The following SLC9A9 variants were observed in gnomAD, a reference collection of about 807,000 sequenced individuals.
SLC9A9 encodes sodium/hydrogen exchanger 9.
A neutral mutation model predicts 77.8 loss-of-function variants in SLC9A9; 62 were observed. The ratio of observed to expected loss-of-function variants is 0.80; its 90% CI spans 0.65 to 0.98. SLC9A9 has a LOEUF of 0.98. SLC9A9 is among the 50% of genes least tolerant of loss of function. The probability of loss-of-function intolerance (pLI) is 0.00; values close to 1 mark genes in which losing one functional copy is unlikely to be tolerated. For missense variants in SLC9A9, 775 were observed against 774.9 expected (o/e 1.00, Z 0.00); for synonymous variants, 320 against 283.5 (o/e 1.13, Z -1.29).
At chr3:143,767,818 C>T (rs986025195) in intron 4 of SLC9A9, among the ~76,000 whole-genome samples, 3 of 152,080 alleles carry the variant, frequency 2.0e-5, no homozygotes, top group Non-Finnish European at 4.4e-5. Flanking sequence ...GCCCTTTTTC[C>T]ATCTTATAAC....
chr3:143,363,577 A>T lies in SLC9A9; in HGVS notation c.1525-14T>A. On this transcript the variant is annotated splice_polypyrimidine_tract_variant and intron_variant, in intron 13 of 15. Coordinates refer to ENST00000316549, the MANE Select transcript of SLC9A9 (RefSeq NM_173653.4). ...GTTATTTGCTTCCTGGGGAGAAACA[A>T]TAGAAAAAGGCATTGGGTAAATAGT... is the stretch of plus-strand genomic sequence containing the variant. The T allele has an allele frequency of 6.2e-7, 1 of 1,609,864 alleles. No individual in the cohort carries two copies. The highest frequency in any genetic ancestry group is 8.5e-7 in the Non-Finnish European group (1 of 1,176,674).
intron 14 of SLC9A9, among the ~76,000 whole-genome samples, chr3:143,360,787 G>A (rs962897318): frequency 6.6e-6 from 1 of 152,202 alleles, no homozygotes; most frequent in African/African-American, 2.4e-5. Context: ...TATAAATTCA[G>A]TGATGTGATT....
intron 6 of SLC9A9, among the ~76,000 whole-genome samples, chr3:143,620,322 T>C (rs1377540316): frequency 6.6e-6 from 1 of 152,172 alleles, no homozygotes; most frequent in Non-Finnish European, 1.5e-5. Flanking sequence ...AAGTATAGCA[T>C]AGTTGTTGGG....
intron 11 of SLC9A9, among the ~76,000 whole-genome samples, chr3:143,486,475 TA>T (rs542478726): frequency 2.0e-5 from 3 of 152,206 alleles, no homozygotes; most frequent in Non-Finnish European, 1.5e-5. Flanking sequence ...ATGAATACAT[TA>T]AAAAAATTAT....
At chr3:143,800,463 G>A (rs547263294) in intron 2 of SLC9A9, among the ~76,000 whole-genome samples, 1 of 152,118 alleles carries the variant, frequency 6.6e-6, no homozygotes, top group Non-Finnish European at 1.5e-5. Flanking sequence ...TATCCACCCC[G>A]TGGTGCCAAA....
intron 4 of SLC9A9, among the ~76,000 whole-genome samples, chr3:143,732,294 TC>T (rs1934825438): frequency 6.6e-6 from 1 of 152,212 alleles, no homozygotes; most frequent in Admixed American, 6.5e-5. Context: ...TAGTTTAGAT[TC>T]CCAAGTCCTA....
chr3:143,816,249 G>C lies in SLC9A9; in HGVS notation c.378+15770C>G, dbSNP rs1360737600. Among the ~76,000 whole-genome samples the C allele has an allele frequency of 3.3e-5, 5 of 152,202 alleles. No homozygotes were observed. The South Asian group carries it at 1.0e-3, about 32-fold the overall frequency. ...GACAGGGTCTTGCTTTGTTGCCCAG[G>C]CTGGAGTACAGTGGTGTGGTCATAG... On this transcript the variant is annotated intron_variant, in intron 2 of 15. Coordinates refer to ENST00000316549, the MANE Select transcript of SLC9A9 (RefSeq NM_173653.4).
chr3:143,666,488 A>T (rs568451983), intron 5 of SLC9A9, among the ~76,000 whole-genome samples: 1 of 152,246 alleles, frequency 6.6e-6, no homozygotes, highest in Non-Finnish European at 1.5e-5. Flanking sequence ...TGGCAAAGGC[A>T]ATCAGACAGG....
At chr3:143,408,204 G>T (rs895885546) in intron 12 of SLC9A9, among the ~76,000 whole-genome samples, 4 of 152,178 alleles carry the variant, frequency 2.6e-5, no homozygotes, top group Non-Finnish European at 5.9e-5. Context: ...TTAGAATCTG[G>T]CTGGGGGATG....
chr3:143,530,063 T>C (rs2036477651), intron 9 of SLC9A9, among the ~76,000 whole-genome samples: 1 of 152,218 alleles, frequency 6.6e-6, no homozygotes, highest in South Asian at 2.1e-4. Context: ...TTGAAGCTAT[T>C]GACGTTGTAG....
rs1289580974 is a variant in SLC9A9 at position 143,747,350 on chromosome 3, G to A, written c.533+47651C>T. 2.0e-5 allele frequency among the ~76,000 whole-genome samples: 3 copies of A among 149,726 alleles called. No individual in the cohort carries two copies. In the South Asian group the frequency reaches 6.3e-4, roughly 32 times the overall value. On this transcript the variant is annotated intron_variant, in intron 4 of 15. Transcript: ENST00000316549. ...TACTGGAAGGTGGGGGTTGCAGTGA[G>A]CTGAGGTTGCACCTCTGCCCCCCAG...
chr3:143,774,703 T>C (rs1349835827), intron 4 of SLC9A9, among the ~76,000 whole-genome samples: 3 of 87,108 alleles, frequency 3.4e-5, no homozygotes, highest in Admixed American at 1.2e-4. Flanking sequence ...AGTTGAACTA[T>C]ACATTGTAAT....
chr3:143,508,501 C>T (rs898984406), intron 9 of SLC9A9, among the ~76,000 whole-genome samples: 5 of 152,192 alleles, frequency 3.3e-5, no homozygotes, highest in African/African-American at 1.2e-4. Flanking sequence ...AGTTTCATAA[C>T]CAGCTTGAAG....
Position 143,269,012 on chromosome 3 carries a change from A to G in SLC9A9, c.1605-32T>C, listed in dbSNP as rs778600406. On this transcript the variant is annotated intron_variant, in intron 14 of 15. Coordinates refer to ENST00000316549, the MANE Select transcript of SLC9A9 (RefSeq NM_173653.4). ...GGCCTGTTAAGGAATACTTGTCAACAGGGAGTTAGGATTTAGGAATCTTAC... is the reference window on the plus strand; with the variant it reads ...GGCCTGTTAAGGAATACTTGTCAACGGGGAGTTAGGATTTAGGAATCTTAC... The G allele has an allele frequency of 1.5e-5, 23 of 1,492,852 alleles. No homozygotes were observed. In the East Asian group the frequency reaches 3.9e-4, roughly 25 times the overall value. The allele number at this position is 1,492,852 out of a possible 1,614,324, so 92.5% of individuals were successfully genotyped here.
intron 4 of SLC9A9, among the ~76,000 whole-genome samples, chr3:143,699,232 A>G (rs1356610971): frequency 1.3e-5 from 2 of 152,194 alleles, no homozygotes; most frequent in African/African-American, 4.8e-5. Context: ...CTATTCTAAA[A>G]GACTTTTTAT....
At chr3:143,829,938 A>G (rs1202213596) in intron 2 of SLC9A9, among the ~76,000 whole-genome samples, 1 of 152,168 alleles carries the variant, frequency 6.6e-6, no homozygotes, top group African/African-American at 2.4e-5. Context: ...AAAGTTAGGG[A>G]TTAGGAAGCT....
intron 4 of SLC9A9, among the ~76,000 whole-genome samples, chr3:143,775,624 G>A (rs1484078437): frequency 2.0e-5 from 3 of 152,130 alleles, no homozygotes; most frequent in Admixed American, 6.5e-5. Context: ...ACCATTTACC[G>A]GGTATAATTG....
At chr3:143,414,513 G>C (rs1280042332) in intron 12 of SLC9A9, among the ~76,000 whole-genome samples, 2 of 152,168 alleles carry the variant, frequency 1.3e-5, no homozygotes, top group Non-Finnish European at 2.9e-5. Context: ...GTGTTTTAGA[G>C]ATATTTCAAA....
rs1258189620 is a variant in SLC9A9, at chr3:143,391,347, C to G, written c.1470-9233G>C. The stretch of plus-strand genomic sequence containing the variant: ...CTGATACCCAGGCAAACAGAGTCTG[C>G]AGTGGACCTCCAGCAAACTCCAACA... On this transcript the variant is annotated intron_variant, in intron 12 of 15. Transcript: ENST00000316549. Among the ~76,000 whole-genome samples the G allele has an allele frequency of 3.3e-5, 5 of 152,238 alleles. No individual in the cohort carries two copies. In the East Asian group the frequency reaches 9.6e-4, roughly 29 times the overall value.
Sources: allele counts gnomAD v4.1 joint callset (sites outside exome capture counted in the v4.1 genomes callset), GRCh38; gene constraint gnomAD v4.1.1; transcripts MANE v1.5; gene names NCBI Gene and HGNC (gene_info 2026-07-23, HGNC 2026-07-21).